The following NRG3 variants were observed in gnomAD, a reference collection of about 807,000 sequenced individuals.
NRG3 encodes the protein pro-neuregulin-3, membrane-bound isoform.
NRG3 carries 31 observed loss-of-function variants against 66.9 expected under a neutral mutation model. The observed-to-expected ratio is 0.46, with a 90% CI of 0.35 to 0.63. The LOEUF is 0.63. Among genes scored for constraint, NRG3 ranks in the 20% least tolerant of loss-of-function variants. NRG3 has a pLI of 0.00. For synonymous variants in NRG3, 393 were observed against 359.4 expected (o/e 1.09, Z -1.06); for missense variants, 910 against 878.9 (o/e 1.04, Z -0.45).
At chr10:82,888,208 C>T (rs528706708) in intron 4 of NRG3, among the ~76,000 whole-genome samples, 135 of 152,230 alleles carry the variant, frequency 8.9e-4, no homozygotes, top group Non-Finnish European at 1.5e-3. Flanking sequence ...ATTCTATACT[C>T]TAACACAGCC....
At chr10:82,686,095 A>G (rs950280556) in intron 2 of NRG3, among the ~76,000 whole-genome samples, 47 of 152,332 alleles carry the variant, frequency 3.1e-4, no homozygotes, top group Admixed American at 1.9e-3. Flanking sequence ...TATAGTATAG[A>G]AAATATATTA....
chr10:82,912,431 G>A (rs753886063), intron 4 of NRG3, among the ~76,000 whole-genome samples: 1 of 151,278 alleles, frequency 6.6e-6, no homozygotes, highest in South Asian at 2.1e-4. Context: ...TTTTTTTCTT[G>A]CACTGACGTC....
At chr10:82,509,341 T>A (rs897573958) in intron 2 of NRG3, among the ~76,000 whole-genome samples, 4 of 152,198 alleles carry the variant, frequency 2.6e-5, no homozygotes, top group South Asian at 4.1e-4. Flanking sequence ...GTGAAAAGTG[T>A]TGACTTAGAG....
intron 1 of NRG3, among the ~76,000 whole-genome samples, chr10:81,883,698 C>T (rs572516493): frequency 1.3e-5 from 2 of 152,282 alleles, no homozygotes; most frequent in South Asian, 2.1e-4. Flanking sequence ...AATATATCAG[C>T]CTTCCTCCTC....
chr10:82,132,140 T>G (rs2068867725), intron 1 of NRG3, among the ~76,000 whole-genome samples: 1 of 152,044 alleles, frequency 6.6e-6, no homozygotes, highest in Admixed American at 6.6e-5. Flanking sequence ...CTTTCAGTTG[T>G]TCCCTGTTTA....
chr10:82,958,392 T>C (rs1850281925), intron 5 of NRG3, among the ~76,000 whole-genome samples: 1 of 152,236 alleles, frequency 6.6e-6, no homozygotes, highest in Non-Finnish European at 1.5e-5. Flanking sequence ...GGCACATTAC[T>C]GTATAACTAG....
At chr10:82,139,120 C>A (rs575105812) in intron 1 of NRG3, among the ~76,000 whole-genome samples, 5 of 152,180 alleles carry the variant, frequency 3.3e-5, no homozygotes, top group African/African-American at 1.2e-4. Context: ...GTGAAATGGA[C>A]ATTTACTTTT....
At chr10:82,815,138 C>G (rs1437786972) in intron 3 of NRG3, among the ~76,000 whole-genome samples, 1 of 152,198 alleles carries the variant, frequency 6.6e-6, no homozygotes, top group East Asian at 1.9e-4. Flanking sequence ...TTTGGTCATA[C>G]CATCCTAGGA....
intron 3 of NRG3, among the ~76,000 whole-genome samples, chr10:82,809,899 A>G (rs1229486036): frequency 2.0e-5 from 3 of 151,026 alleles, no homozygotes; most frequent in African/African-American, 4.9e-5. Flanking sequence ...AAGATAATCT[A>G]CTGGGTTGTA....
At chr10:82,243,673 A>C (rs1231908135) in intron 1 of NRG3, among the ~76,000 whole-genome samples, 1 of 152,194 alleles carries the variant, frequency 6.6e-6, no homozygotes, top group African/African-American at 2.4e-5. Context: ...TGATTATATA[A>C]AGGTTAAGTA....
intron 1 of NRG3, among the ~76,000 whole-genome samples, chr10:82,256,254 C>T (rs919114489): frequency 1.3e-5 from 2 of 152,164 alleles, no homozygotes; most frequent in African/African-American, 4.8e-5. Flanking sequence ...ATGAAATCTA[C>T]TTTAAAAATA....
intron 4 of NRG3, among the ~76,000 whole-genome samples, chr10:82,880,683 G>C (rs1842224462): frequency 6.6e-6 from 1 of 152,134 alleles, no homozygotes; most frequent in Non-Finnish European, 1.5e-5. Flanking sequence ...AGCTGTAGAA[G>C]GTATATCATG....
intron 2 of NRG3, among the ~76,000 whole-genome samples, chr10:82,687,682 G>C (rs937702106): frequency 6.6e-6 from 1 of 151,968 alleles, no homozygotes; most frequent in East Asian, 1.9e-4. Flanking sequence ...TGATGTGTTC[G>C]GTGTAGAGAG....
At chr10:82,863,423 G>T (rs1484304809) in intron 3 of NRG3, among the ~76,000 whole-genome samples, 1 of 152,160 alleles carries the variant, frequency 6.6e-6, no homozygotes, top group Non-Finnish European at 1.5e-5. Flanking sequence ...CTAGATCCTT[G>T]AGGAATCGCC....
chr10:82,879,619 C>A (rs2136048751), intron 4 of NRG3, among the ~76,000 whole-genome samples: 1 of 152,124 alleles, frequency 6.6e-6, no homozygotes, highest in Non-Finnish European at 1.5e-5. Flanking sequence ...ACTACAGGCG[C>A]CCGCCACCAC....
At chr10:82,659,866 A>C (rs1399605324) in intron 2 of NRG3, among the ~76,000 whole-genome samples, 2 of 151,924 alleles carry the variant, frequency 1.3e-5, no homozygotes, top group African/African-American at 4.8e-5. Flanking sequence ...CTGGTCATAT[A>C]AGATGCCCAC....
rs1028043733 is a variant in NRG3 at position 82,263,988 on chromosome 10, G to T, written c.824-94751G>T. Among the ~76,000 whole-genome samples the T allele has an allele frequency of 6.6e-5, 10 of 152,038 alleles. No homozygotes were observed. The East Asian group carries it at 1.5e-3, about 23-fold the overall frequency. On this transcript the variant is annotated intron_variant, in intron 1 of 8. Coordinates refer to ENST00000372141, the MANE Select transcript of NRG3 (RefSeq NM_001010848.4). Reference sequence around the variant, plus strand: ...TCAGAGGGGCTTTGTTTATTTTTTTGTTGTTGTTATTTTGCTTTTCCTGGG... The same window carrying T: ...TCAGAGGGGCTTTGTTTATTTTTTTTTTGTTGTTATTTTGCTTTTCCTGGG...
chr10:82,020,396 C>G (rs2062006291), intron 1 of NRG3, among the ~76,000 whole-genome samples: 1 of 152,036 alleles, frequency 6.6e-6, no homozygotes, highest in African/African-American at 2.4e-5. Context: ...GTATAAGGAA[C>G]TGTCCTAGGT....
chr10:82,804,841 A>T (rs548316251), intron 3 of NRG3, among the ~76,000 whole-genome samples: 1 of 152,322 alleles, frequency 6.6e-6, no homozygotes, highest in South Asian at 2.1e-4. Flanking sequence ...CTGGGAAGGT[A>T]CACATTCTCA....
Sources: gnomAD v4.1 joint callset for allele counts (sites outside exome capture counted in the v4.1 genomes callset) on GRCh38, gnomAD v4.1.1 for gene constraint, MANE v1.5 for transcripts, NCBI Gene and HGNC (gene_info 2026-07-23, HGNC 2026-07-21) for gene names.